MYO15B: variants seen among roughly 807,000 people sequenced by gnomAD.
The protein encoded by MYO15B is myosin XVB.
A neutral mutation model predicts 119.3 loss-of-function variants in MYO15B; 207 were observed. The observed-to-expected ratio is 1.73, with a 90% confidence interval of 1.55 to 1.95. MYO15B has a LOEUF of 1.95. Among genes scored for constraint, MYO15B ranks in the 30% most tolerant of loss-of-function variants. The probability of loss-of-function intolerance (pLI) is 0.00; values close to 1 mark genes in which losing one functional copy is unlikely to be tolerated. For missense variants in MYO15B, 2,264 were observed against 1,203.1 expected (o/e 1.88, Z -13.04); for synonymous variants, 966 against 498.9 (o/e 1.94, Z -12.48).
chr17:75,614,316 G>A (rs1282244549), exon 30 of MYO15B: 1 of 702,836 alleles, frequency 1.4e-6, no homozygotes, highest in Non-Finnish European at 2.6e-6. Flanking sequence ...AGGACCTGGG[G>A]GACCCAGCTC....
Position 75,623,869 on chromosome 17 carries a change from G to A in MYO15B, c.8156+15G>A, listed in dbSNP as rs2148146367. Reference sequence around the variant, plus strand: ...CACCCCCGGCCGTGAGTGGGGACCGGTGGCTTCTGGGGGTGGCTTCTGGGG... The same window carrying A: ...CACCCCCGGCCGTGAGTGGGGACCGATGGCTTCTGGGGGTGGCTTCTGGGG... On this transcript the variant is annotated intron_variant, in intron 54 of 63. Transcript: ENST00000645453. 3.7e-6 allele frequency: 2 copies of A among 546,776 alleles called. No individual in the cohort carries two copies. The highest frequency in any genetic ancestry group is 6.4e-6 in the Non-Finnish European group (2 of 314,120). The allele number at this position is 546,776 out of a possible 1,614,324, so 33.9% of individuals were successfully genotyped here. A position where few individuals can be genotyped will look rare whatever the true frequency, so the allele number is the denominator to read the frequency against.
intron 12 of MYO15B, among the ~76,000 whole-genome samples, chr17:75,595,958 C>T (rs1035277726): frequency 4.6e-5 from 7 of 152,334 alleles, no homozygotes; most frequent in Admixed American, 2.6e-4. Context: ...TCCTTGTGAC[C>T]GTGCCCTCCC....
chr17:75,626,427 CACT>C (rs1265913252), exon 64 of MYO15B: 5 of 703,120 alleles, frequency 7.1e-6, no homozygotes, highest in East Asian at 2.7e-5. Context: ...TGCTATACAC[CACT>C]GTCTTCCTGA....
At chr17:75,624,906 A>C (rs2058936135) in exon 59 of MYO15B, 1 of 702,606 alleles carries the variant, frequency 1.4e-6, no homozygotes, top group Admixed American at 2.0e-5. Flanking sequence ...ATCAGCACCC[A>C]CTACAGCCAG....
At chr17:75,618,629 A>C (rs1431277728) in intron 43 of MYO15B, among the ~76,000 whole-genome samples, 1 of 152,256 alleles carries the variant, frequency 6.6e-6, no homozygotes, top group Non-Finnish European at 1.5e-5. Context: ...CGCCTGGGTG[A>C]CAGAGCGAGA....
At chr17:75,620,141 G>T (rs2058622209) in intron 47 of MYO15B, 105 bp from the exon 48 acceptor site, 2 of 686,602 alleles carry the variant, frequency 2.9e-6, no homozygotes, top group African/African-American at 1.7e-5. Flanking sequence ...TGGAAGTCTG[G>T]GGTGCTAGGT....
At chr17:75,602,769 G>A (rs1199706399) in intron 16 of MYO15B, 61 bp from the exon 17 acceptor site, 9 of 604,658 alleles carry the variant, frequency 1.5e-5, no homozygotes, top group East Asian at 2.7e-5. Flanking sequence ...TGGCTCTCCC[G>A]GGCTGCAGGG....
At chr17:75,604,307 T>G (rs949173130) in intron 19 of MYO15B, among the ~76,000 whole-genome samples, 3 of 152,154 alleles carry the variant, frequency 2.0e-5, no homozygotes, top group Admixed American at 2.0e-4. Flanking sequence ...CATTCCCTGA[T>G]GCACTGTGGC....
At chr17:75,591,306 G>A (rs964495687) in intron 4 of MYO15B, 60 bp downstream of exon 4, 53 of 691,704 alleles carry the variant, frequency 7.7e-5, no homozygotes, top group African/African-American at 2.6e-4. Flanking sequence ...TTGATGGGGC[G>A]GGGCCTGAGG....
At chr17:75,596,652 C>A in intron 13 of MYO15B, 97 bp downstream of exon 13, 1 of 681,598 alleles carries the variant, frequency 1.5e-6, no homozygotes, top group Non-Finnish European at 2.7e-6. Context: ...GAGAGCTCTG[C>A]CTGGAAGGCC....
At position 75,613,137 on chromosome 17, in the gene MYO15B, G is replaced by A. The variant is rs112486897; in HGVS notation, c.4895G>A (p.Arg1632His). ...AACCCAGATGAACAGCAGAGCCAGC[G>A]TGGCTGGGCCCTCATGGCTGTTTTG... The change falls in exon 27 of 64, where the codon CGT becomes CAT. Residue 1632 changes from arginine to histidine, a missense_variant. Physicochemically the swap from Arg to His is conservative, Grantham distance 29. Coordinates refer to ENST00000645453, the Ensembl canonical transcript of MYO15B. The A allele has an allele frequency of 4.1e-4, 287 of 702,680 alleles. 1 individual carries two copies. Among genetic ancestry groups the A allele is most frequent in the African/African-American group, 3.6e-3 (207 of 57,398 alleles). The allele number at this position is 702,680 out of a possible 1,614,324, so 43.5% of individuals were successfully genotyped here.
At chr17:75,602,534 C>T (rs2057350567) in exon 16 of MYO15B, 1 of 701,712 alleles carries the variant, frequency 1.4e-6, no homozygotes, top group Non-Finnish European at 2.6e-6. Flanking sequence ...AGTTTTTAAA[C>T]AGAAACCGGG....
At position 75,594,695 on chromosome 17, in the gene MYO15B, C is replaced by T. The variant is rs747042961; in HGVS notation, c.3106-6C>T. 2 of 703,080 alleles carry T rather than the reference C, an allele frequency of 2.8e-6. No homozygotes were observed. Among genetic ancestry groups the T allele is most frequent in the Non-Finnish European group, 5.2e-6 (2 of 385,004 alleles). 43.6% of individuals were successfully genotyped at this position (703,080 alleles called of 1,614,324 possible). On this transcript the variant is annotated splice_polypyrimidine_tract_variant and splice_region_variant and intron_variant, in intron 10 of 63. Transcript: ENST00000645453. ...ACACACCAGCTGTGCCTCCTCTGCC[C>T]TCCAGGAGACGCCCTATGGCCAGGT...
At chr17:75,618,711 G>T (rs2058525586) in intron 43 of MYO15B, among the ~76,000 whole-genome samples, 1 of 152,242 alleles carries the variant, frequency 6.6e-6, no homozygotes, top group Non-Finnish European at 1.5e-5. Context: ...TAAAAGCAAA[G>T]TGCGTACAGT....
At chr17:75,596,774 T>G (rs921530534) in exon 14 of MYO15B, 2 of 698,004 alleles carry the variant, frequency 2.9e-6, no homozygotes, top group Non-Finnish European at 5.2e-6. Context: ...CCAGGAGGAG[T>G]GTCGGCGGGA....
At position 75,594,598 on chromosome 17, in the gene MYO15B, AGGGTCCT is replaced by A; in HGVS notation, c.3105+14_3105+20del. The A allele has an allele frequency of 1.5e-6, 1 of 678,406 alleles. No individual in the cohort carries two copies. The highest frequency in any genetic ancestry group is 2.7e-6 in the Non-Finnish European group (1 of 372,044). The allele number at this position is 678,406 out of a possible 1,614,324, so 42.0% of individuals were successfully genotyped here. A position where few individuals can be genotyped will look rare whatever the true frequency, so the allele number is the denominator to read the frequency against. On this transcript the variant is annotated intron_variant, in intron 10 of 63. Transcript: ENST00000645453. ...CACCAGGAGGGTCACGGTGAGCCCGAGGGTCCTGGGGAGAGGGGCCTGGCCTGGCTGA... is the reference window on the plus strand; with the variant it reads ...CACCAGGAGGGTCACGGTGAGCCCGAGGGGAGAGGGGCCTGGCCTGGCTGA...
intron 47 of MYO15B, 61 bp downstream of exon 47, chr17:75,620,081 C>A: frequency 1.5e-6 from 1 of 676,096 alleles, no homozygotes; most frequent in Non-Finnish European, 2.7e-6. Flanking sequence ...CTGCATCTCC[C>A]TGTCCGTCTT....
intron 25 of MYO15B, among the ~76,000 whole-genome samples, chr17:75,612,345 G>T (rs1282210524): frequency 6.6e-6 from 1 of 152,166 alleles, no homozygotes; most frequent in Admixed American, 6.5e-5. Flanking sequence ...AAATTGTCCA[G>T]ACTTCAGCAG....
At chr17:75,621,549 C>A in exon 52 of MYO15B, 1 of 702,008 alleles carries the variant, frequency 1.4e-6, no homozygotes, top group South Asian at 1.5e-5. Flanking sequence ...TGTGAGCAAG[C>A]TGGCTGTAGC....
Sources: gnomAD v4.1 joint callset for allele counts (sites outside exome capture counted in the v4.1 genomes callset) on GRCh38, gnomAD v4.1.1 for gene constraint, MANE v1.5 for transcripts, NCBI Gene and HGNC (gene_info 2026-07-23, HGNC 2026-07-21) for gene names.